TMEM132D: variants seen among roughly 807,000 people sequenced by gnomAD.
TMEM132D encodes the protein mature OL transmembrane protein.
In TMEM132D, 21 loss-of-function variants were observed where a neutral mutation model predicts 62.3. The ratio of observed to expected loss-of-function variants is 0.34; its 90% CI spans 0.24 to 0.49. The LOEUF (loss-of-function observed/expected upper bound fraction) is 0.49. Among genes scored for constraint, TMEM132D ranks in the 20% least tolerant of loss-of-function variants. The pLI is 0.99. For missense variants in TMEM132D, 1,346 were observed against 1,402.8 expected (o/e 0.96, Z 0.65); for synonymous variants, 621 against 575.6 (o/e 1.08, Z -1.13).
intron 5 of TMEM132D, among the ~76,000 whole-genome samples, chr12:129,087,587 G>A (rs1000917265): frequency 5.3e-5 from 8 of 152,014 alleles, no homozygotes; most frequent in Non-Finnish European, 1.2e-4. Context: ...TGGAGGCAGA[G>A]GCCCAGGAAG....
At position 129,762,104 on chromosome 12, in the gene TMEM132D, C is replaced by T. The variant is rs532542177; in HGVS notation, c.80-61406G>A. ...AAGGGAACCTGGGGCTCCAACTGCA[C>T]ACTTAAGCCCCTGGATCAATCTGTT... On this transcript the variant is annotated intron_variant, in intron 1 of 8. Transcript: ENST00000422113. Among the ~76,000 whole-genome samples, 294 of 152,280 alleles carry T rather than the reference C, an allele frequency of 1.9e-3. 1 individual carries two copies. Among genetic ancestry groups the T allele is most frequent in the Non-Finnish European group, 3.4e-3 (233 of 68,026 alleles).
At chr12:129,283,352 C>G (rs1332112986) in intron 4 of TMEM132D, among the ~76,000 whole-genome samples, 1 of 152,114 alleles carries the variant, frequency 6.6e-6, no homozygotes, top group East Asian at 1.9e-4. Context: ...CCACCATGCC[C>G]AGCTAATTGT....
intron 5 of TMEM132D, among the ~76,000 whole-genome samples, chr12:129,195,067 A>T (rs1453628060): frequency 1.3e-5 from 2 of 152,242 alleles, no homozygotes; most frequent in African/African-American, 4.8e-5. Context: ...CAAGCAAAAA[A>T]TATAGGAAGG....
intron 2 of TMEM132D, among the ~76,000 whole-genome samples, chr12:129,681,820 C>T (rs1880784986): frequency 6.6e-6 from 1 of 152,190 alleles, no homozygotes; most frequent in African/African-American, 2.4e-5. Flanking sequence ...TGGGAGGGGA[C>T]TCTGCAGCTG....
chr12:129,177,789 G>T (rs977852844), intron 5 of TMEM132D, among the ~76,000 whole-genome samples: 1 of 152,090 alleles, frequency 6.6e-6, no homozygotes, highest in African/African-American at 2.4e-5. Context: ...TTAAGTTCTG[G>T]GTACATGTGC....
At chr12:129,432,139 ATGGATGGATGGATGGATGCT>A (rs1358992077) in intron 3 of TMEM132D, among the ~76,000 whole-genome samples, 11 of 146,190 alleles carry the variant, frequency 7.5e-5, no homozygotes, top group South Asian at 2.2e-4. Context: ...GGATGGATGG[ATGGATGGATGGATGGATGCT>A]TGGATGGATG....
At position 129,337,766 on chromosome 12, in the gene TMEM132D, C is replaced by G. The variant is rs1439072990; in HGVS notation, c.1167G>C (p.Glu389Asp). 6.2e-7 allele frequency: 1 copy of G among 1,614,058 alleles called. No homozygotes were observed. Among genetic ancestry groups the G allele is most frequent in the Non-Finnish European group, 8.5e-7 (1 of 1,179,964 alleles). Reference sequence around the variant, plus strand: ...GCTGTGTGGCTGGCAGGTCACCAGGCTCTTCCACCTCCACATCGATCTGCA... The same window carrying G: ...GCTGTGTGGCTGGCAGGTCACCAGGGTCTTCCACCTCCACATCGATCTGCA... ...EVMQIDVEVE[E>D]PGDLPATQLV... The change falls in exon 4 of 9, where the codon GAG (glutamate) becomes GAC (aspartate). Residue 389 changes from glutamate to aspartate, a missense_variant. Coordinates refer to ENST00000422113, the MANE Select transcript of TMEM132D (RefSeq NM_133448.3).
chr12:129,564,452 C>T (rs1011023952), intron 2 of TMEM132D, among the ~76,000 whole-genome samples: 1 of 152,316 alleles, frequency 6.6e-6, no homozygotes, highest in Non-Finnish European at 1.5e-5. Context: ...TTTCCCTCCT[C>T]TTTAAGCACT....
chr12:129,220,784 C>T (rs751122833), intron 4 of TMEM132D, among the ~76,000 whole-genome samples: 3 of 151,760 alleles, frequency 2.0e-5, no homozygotes, highest in African/African-American at 4.8e-5. Context: ...TGTGAATTTA[C>T]GTTTCATGGA....
intron 2 of TMEM132D, among the ~76,000 whole-genome samples, chr12:129,689,574 A>T (rs1463327017): frequency 1.3e-5 from 2 of 152,112 alleles, no homozygotes; most frequent in Non-Finnish European, 2.9e-5. Context: ...TCCCTCTTAC[A>T]TCTGAACTTC....
chr12:129,152,518 G>C (rs1370173990), intron 5 of TMEM132D, among the ~76,000 whole-genome samples: 1 of 152,140 alleles, frequency 6.6e-6, no homozygotes, highest in South Asian at 2.1e-4. Flanking sequence ...ATGAGCCTGG[G>C]CTCCTGTCTG....
At chr12:129,436,232 G>A (rs1173068415) in intron 3 of TMEM132D, among the ~76,000 whole-genome samples, 3 of 152,110 alleles carry the variant, frequency 2.0e-5, no homozygotes, top group Non-Finnish European at 4.4e-5. Context: ...GGAATCCCTT[G>A]AAAGTTTGTA....
At chr12:129,564,544 T>C (rs1422635530) in intron 2 of TMEM132D, among the ~76,000 whole-genome samples, 1 of 152,184 alleles carries the variant, frequency 6.6e-6, no homozygotes, top group African/African-American at 2.4e-5. Flanking sequence ...TCTTTTACCC[T>C]TCTTTCGTTA....
chr12:129,134,737 G>C (rs543117266), intron 5 of TMEM132D, among the ~76,000 whole-genome samples: 2 of 152,310 alleles, frequency 1.3e-5, no homozygotes, highest in East Asian at 3.9e-4. Flanking sequence ...GCTGTCACTT[G>C]TTAGAGGGGT....
chr12:129,485,865 T>C (rs1341676745), intron 3 of TMEM132D, among the ~76,000 whole-genome samples: 2 of 152,160 alleles, frequency 1.3e-5, no homozygotes, highest in Non-Finnish European at 2.9e-5. Flanking sequence ...GAACAGAACA[T>C]CATTTATTTA....
At chr12:129,151,166 G>A (rs10847784) in intron 5 of TMEM132D, among the ~76,000 whole-genome samples, 88,084 of 152,034 alleles carry the variant, frequency 0.58, 26,926 homozygotes, top group Non-Finnish European at 0.68. Context: ...CCTAATGCAG[G>A]GCATGGACTA....
chr12:129,465,454 A>G (rs998688702), intron 3 of TMEM132D, among the ~76,000 whole-genome samples: 2 of 152,162 alleles, frequency 1.3e-5, no homozygotes, highest in African/African-American at 4.8e-5. Flanking sequence ...CAGGGCAATT[A>G]GGCAGGAGAA....
At chr12:129,893,706 CCATT>C (rs1386412098) in intron 1 of TMEM132D, among the ~76,000 whole-genome samples, 2 of 152,238 alleles carry the variant, frequency 1.3e-5, no homozygotes, top group Non-Finnish European at 2.9e-5. Flanking sequence ...TATCATCCAT[CCATT>C]GCCAATGCAA....
At chr12:129,770,622 G>GA (rs1470213582) in intron 1 of TMEM132D, among the ~76,000 whole-genome samples, 4 of 152,172 alleles carry the variant, frequency 2.6e-5, no homozygotes, top group Non-Finnish European at 5.9e-5. Flanking sequence ...CATGATAGGG[G>GA]AAAATATCAG....
Sources: gnomAD v4.1 joint callset for allele counts (sites outside exome capture counted in the v4.1 genomes callset) on GRCh38, gnomAD v4.1.1 for gene constraint, MANE v1.5 for transcripts, NCBI Gene and HGNC (gene_info 2026-07-23, HGNC 2026-07-21) for gene names.